The following PTH2R variants were observed in gnomAD, a reference collection of about 807,000 sequenced individuals.
The protein encoded by PTH2R is parathyroid hormone 2 receptor, also known as PTH2 receptor.
In PTH2R, 59 loss-of-function variants were observed where a neutral mutation model predicts 60.3. That is an observed-to-expected ratio of 0.98 (90% CI 0.79 to 1.22). The LOEUF (loss-of-function observed/expected upper bound fraction) is 1.22, where lower values mean the gene tolerates loss of function less well. Ranked by LOEUF, PTH2R falls within the 50% of genes most tolerant of loss-of-function variation. The probability of loss-of-function intolerance (pLI) is 0.00; values close to 1 mark genes in which losing one functional copy is unlikely to be tolerated. For missense variants in PTH2R, 749 were observed against 682.6 expected (o/e 1.10, Z -1.08); for synonymous variants, 256 against 243.8 (o/e 1.05, Z -0.47).
At chr2:208,427,005 G>T (rs1701869966) in intron 1 of PTH2R, among the ~76,000 whole-genome samples, 1 of 152,132 alleles carries the variant, frequency 6.6e-6, no homozygotes, top group African/African-American at 2.4e-5. Context: ...TCCTGAAAAG[G>T]TTATCCCTAT....
intron 10 of PTH2R, among the ~76,000 whole-genome samples, chr2:208,486,659 C>T (rs184736969): frequency 6.6e-6 from 1 of 152,116 alleles, no homozygotes; most frequent in African/African-American, 2.4e-5. Flanking sequence ...CCCCTTTTAT[C>T]TGATTAGGCT....
At chr2:208,363,696 T>TA (rs1272336682) in intron 1 of PTH2R, among the ~76,000 whole-genome samples, 6 of 152,238 alleles carry the variant, frequency 3.9e-5, no homozygotes, top group Non-Finnish European at 7.3e-5. Context: ...TTTGACTTTT[T>TA]AATGATAGCC....
At chr2:208,433,356 T>G (rs1413889159) in intron 2 of PTH2R, among the ~76,000 whole-genome samples, 1 of 152,238 alleles carries the variant, frequency 6.6e-6, no homozygotes, top group Admixed American at 6.5e-5. Context: ...TTGACTCAAG[T>G]GCTCTTTACT....
intron 10 of PTH2R, among the ~76,000 whole-genome samples, chr2:208,482,273 C>T (rs2105906208): frequency 6.6e-6 from 1 of 152,272 alleles, no homozygotes; most frequent in Admixed American, 6.5e-5. Flanking sequence ...TCTTTGTTCC[C>T]AGGCGGATCG....
At chr2:208,432,498 T>C (rs778874247) in intron 2 of PTH2R, among the ~76,000 whole-genome samples, 7 of 152,226 alleles carry the variant, frequency 4.6e-5, no homozygotes, top group Non-Finnish European at 7.3e-5. Flanking sequence ...AGTAAGACTG[T>C]ATTAGTCAAA....
chr2:208,416,138 C>T (rs1460675335), intron 1 of PTH2R, among the ~76,000 whole-genome samples: 1 of 151,998 alleles, frequency 6.6e-6, no homozygotes, highest in Non-Finnish European at 1.5e-5. Flanking sequence ...AAGCGTTTGC[C>T]TTGAAAAATA....
chr2:208,423,343 C>G (rs1046635950), intron 1 of PTH2R, among the ~76,000 whole-genome samples: 8 of 151,756 alleles, frequency 5.3e-5, no homozygotes, highest in Non-Finnish European at 1.0e-4. Flanking sequence ...TCTTTTTGAC[C>G]CATGGATTGT....
intron 9 of PTH2R, among the ~76,000 whole-genome samples, chr2:208,474,517 A>G (rs1702956296): frequency 6.6e-6 from 1 of 152,230 alleles, no homozygotes; most frequent in Non-Finnish European, 1.5e-5. Flanking sequence ...ATCACTTAAT[A>G]GGTAAAGCGC....
At position 208,420,208 on chromosome 2, in the gene PTH2R, C is replaced by G. The variant is rs547703983; in HGVS notation, c.76-7993C>G. ...CTAAATGACGAGTTAATGGGTGCAGCACAGCAACATGGCACATGTATACAT... is the reference window on the plus strand; with the variant it reads ...CTAAATGACGAGTTAATGGGTGCAGGACAGCAACATGGCACATGTATACAT... On this transcript the variant is annotated intron_variant, in intron 1 of 12. Transcript: ENST00000272847. Among the ~76,000 whole-genome samples, 17 of 151,480 alleles carry G rather than the reference C, an allele frequency of 1.1e-4. 1 individual carries two copies. Among genetic ancestry groups the G allele is most frequent in the African/African-American group, 4.1e-4 (17 of 41,192 alleles).
intron 9 of PTH2R, among the ~76,000 whole-genome samples, chr2:208,478,977 TATTTTTCTAA>T (rs1473213533): frequency 6.6e-6 from 1 of 152,212 alleles, no homozygotes; most frequent in Non-Finnish European, 1.5e-5. Flanking sequence ...CCATAGTCTA[TATTTTTCTAA>T]ATTATTCAGA....
At chr2:208,395,756 A>G (rs910213304) in intron 1 of PTH2R, among the ~76,000 whole-genome samples, 1 of 152,182 alleles carries the variant, frequency 6.6e-6, no homozygotes, top group African/African-American at 2.4e-5. Context: ...TATAGATTCA[A>G]TGCCATCCCC....
At chr2:208,384,523 G>A (rs996548916) in intron 1 of PTH2R, among the ~76,000 whole-genome samples, 11 of 152,116 alleles carry the variant, frequency 7.2e-5, no homozygotes, top group African/African-American at 2.4e-4. Flanking sequence ...CAAGGAATGG[G>A]TCCCTTGATA....
intron 4 of PTH2R, among the ~76,000 whole-genome samples, chr2:208,438,557 T>A (rs538848936): frequency 1.3e-5 from 2 of 152,304 alleles, no homozygotes; most frequent in East Asian, 1.9e-4. Context: ...CTTTGGGATA[T>A]TCTAGAGAGT....
intron 6 of PTH2R, 72 bp from the exon 7 acceptor site, chr2:208,444,662 T>C (rs940099586): frequency 2.5e-5 from 35 of 1,418,826 alleles, no homozygotes; most frequent in South Asian, 2.8e-5. Context: ...ACTTGTTTTT[T>C]AGTGGTCTAA....
At chr2:208,447,164 G>A (rs1016495083) in intron 7 of PTH2R, among the ~76,000 whole-genome samples, 2 of 151,992 alleles carry the variant, frequency 1.3e-5, no homozygotes, top group Admixed American at 1.3e-4. Flanking sequence ...TAGAGATGTG[G>A]TCTTATTATG....
intron 3 of PTH2R, 39 bp from the exon 4 acceptor site, chr2:208,437,721 G>A (rs770196739): frequency 6.2e-7 from 1 of 1,606,018 alleles, no homozygotes; most frequent in Non-Finnish European, 8.5e-7. Context: ...TAGATTCTAA[G>A]GGAACTGAGC....
chr2:208,443,363 T>A lies in PTH2R; in HGVS notation c.525T>A (p.Thr175=). 1.3e-6 allele frequency: 2 copies of A among 1,588,850 alleles called. No individual in the cohort carries two copies. The highest frequency in any genetic ancestry group is 1.7e-6 in the Non-Finnish European group (2 of 1,170,946). Residue 175 remains threonine, a synonymous_variant, in exon 6 of 13, where the codon ACT becomes ACA. Transcript: ENST00000272847. ...CTCTCCGTAGACGATTGCATTGCAC[T>A]AGGAACTATATCCACATGCACTTAT... ...IIGYFRRLHC[T]RNYIHMHLFV...
intron 1 of PTH2R, among the ~76,000 whole-genome samples, chr2:208,400,960 C>T (rs1317038398): frequency 6.6e-6 from 1 of 152,122 alleles, no homozygotes; most frequent in East Asian, 1.9e-4. Context: ...ATACATTTCA[C>T]AAGTACTGAC....
At chr2:208,403,989 TAG>T (rs1701354936), upstream of PTH2R, among the ~76,000 whole-genome samples, 3 of 152,136 alleles carry the variant, frequency 2.0e-5, no homozygotes, top group South Asian at 6.2e-4. Context: ...CTATATTCTA[TAG>T]GTCAAGCAGT....
Sources: gnomAD v4.1 joint callset for allele counts (sites outside exome capture counted in the v4.1 genomes callset) on GRCh38, gnomAD v4.1.1 for gene constraint, MANE v1.5 for transcripts, NCBI Gene and HGNC (gene_info 2026-07-23, HGNC 2026-07-21) for gene names.